The following CNTNAP2 variants were observed in gnomAD, a reference collection of about 807,000 sequenced individuals.
The protein encoded by CNTNAP2 is contactin-associated protein-like 2.
CNTNAP2 carries 98 observed loss-of-function variants against 155.2 expected under a neutral mutation model. The ratio of observed to expected loss-of-function variants is 0.63; its 90% confidence interval spans 0.54 to 0.75. The LOEUF is 0.75. Among genes scored for constraint, CNTNAP2 ranks in the 30% least tolerant of loss-of-function variants. The pLI, the probability that CNTNAP2 is intolerant of heterozygous loss-of-function variation, is 0.00. For missense variants in CNTNAP2, 1,727 were observed against 1,688.1 expected (o/e 1.02, Z -0.40); for synonymous variants, 651 against 631.2 (o/e 1.03, Z -0.47).
At chr7:147,100,069 T>G (rs1344385001) in intron 4 of CNTNAP2, among the ~76,000 whole-genome samples, 2 of 152,250 alleles carry the variant, frequency 1.3e-5, no homozygotes, top group East Asian at 3.9e-4. Context: ...TCTGATATCT[T>G]GTGGGTAATG....
At chr7:146,219,875 A>T (rs754845871) in intron 1 of CNTNAP2, among the ~76,000 whole-genome samples, 1 of 152,182 alleles carries the variant, frequency 6.6e-6, no homozygotes, top group Non-Finnish European at 1.5e-5. Context: ...ATAAGAACAC[A>T]ACTCTAAAGA....
At chr7:146,499,243 C>T (rs376590210) in intron 1 of CNTNAP2, among the ~76,000 whole-genome samples, 13 of 152,192 alleles carry the variant, frequency 8.5e-5, no homozygotes, top group South Asian at 2.1e-4. Flanking sequence ...AGTGCAGTGG[C>T]GCCATCTTGG....
intron 2 of CNTNAP2, among the ~76,000 whole-genome samples, chr7:146,837,062 G>A (rs1004664623): frequency 1.3e-5 from 2 of 151,920 alleles, no homozygotes; most frequent in Non-Finnish European, 2.9e-5. Context: ...ATTTTCCCTT[G>A]TATATCTCCT....
chr7:147,310,079 G>T (rs983557556), intron 9 of CNTNAP2, among the ~76,000 whole-genome samples: 2 of 152,084 alleles, frequency 1.3e-5, no homozygotes, highest in African/African-American at 4.8e-5. Flanking sequence ...CTTGGAGATT[G>T]GAAAGTATTT....
At chr7:148,313,200 G>A (rs1000926069) in intron 21 of CNTNAP2, among the ~76,000 whole-genome samples, 1 of 150,782 alleles carries the variant, frequency 6.6e-6, no homozygotes, top group Non-Finnish European at 1.5e-5. Flanking sequence ...ATGTGGAGTG[G>A]GTAGCCTCCA....
intron 2 of CNTNAP2, 146 bp from the exon 3 acceptor site, chr7:146,839,565 A>G (rs1238035121): frequency 1.2e-6 from 1 of 810,918 alleles, no homozygotes; most frequent in Non-Finnish European, 2.0e-6. Flanking sequence ...TGAAGTCCCA[A>G]TGGCATCTAT....
chr7:146,225,644 C>T (rs990605256), intron 1 of CNTNAP2, among the ~76,000 whole-genome samples: 16 of 152,166 alleles, frequency 1.1e-4, no homozygotes, highest in Non-Finnish European at 2.1e-4. Context: ...ATGGTTCAGG[C>T]TTTGACGCTG....
At chr7:147,054,539 A>G (rs1472623122) in intron 4 of CNTNAP2, among the ~76,000 whole-genome samples, 1 of 152,120 alleles carries the variant, frequency 6.6e-6, no homozygotes, top group Non-Finnish European at 1.5e-5. Flanking sequence ...TTCACTTATA[A>G]TCCGTTTAAT....
intron 1 of CNTNAP2, among the ~76,000 whole-genome samples, chr7:146,708,780 G>GT (rs1305775186): frequency 6.6e-6 from 1 of 151,274 alleles, no homozygotes; most frequent in African/African-American, 2.4e-5. Context: ...ATTTTTTGTG[G>GT]TTTTGCCTTG....
At chr7:147,403,825 A>C (rs925817654) in intron 10 of CNTNAP2, among the ~76,000 whole-genome samples, 1 of 152,178 alleles carries the variant, frequency 6.6e-6, no homozygotes, top group Admixed American at 6.5e-5. Flanking sequence ...AGAGTAAGAA[A>C]AAAAAAATTT....
intron 15 of CNTNAP2, among the ~76,000 whole-genome samples, chr7:148,077,271 C>G (rs917638218): frequency 6.6e-6 from 1 of 151,178 alleles, no homozygotes; most frequent in Non-Finnish European, 1.5e-5. Context: ...CACGCCATTG[C>G]ACTCCAGCCT....
chr7:147,400,226 G>C (rs758223174), intron 10 of CNTNAP2, among the ~76,000 whole-genome samples: 1 of 152,026 alleles, frequency 6.6e-6, no homozygotes, highest in Non-Finnish European at 1.5e-5. Flanking sequence ...AGAACCATAG[G>C]GCATCTCAAA....
At position 148,415,849 on chromosome 7, in the gene CNTNAP2, CA is replaced by C; in HGVS notation, c.*239del. 1 of 592,690 alleles carries C rather than the reference CA, an allele frequency of 1.7e-6. No homozygotes were observed. 36.7% of individuals were successfully genotyped at this position (592,690 alleles called of 1,614,324 possible). A position where few individuals can be genotyped will look rare whatever the true frequency, so the allele number is the denominator to read the frequency against. On this transcript the variant is annotated 3_prime_UTR_variant, in exon 24 of 24. Coordinates refer to ENST00000361727, the MANE Select transcript of CNTNAP2 (RefSeq NM_014141.6). ...CCTTCTGTATCAAAACAAAATAATA[CA>C]AAAAATGCTTTTAGAGTTTAAGCAA...
At chr7:147,377,065 A>G (rs997666962) in intron 9 of CNTNAP2, among the ~76,000 whole-genome samples, 2 of 151,778 alleles carry the variant, frequency 1.3e-5, no homozygotes. Flanking sequence ...TCTTTTCAGT[A>G]TAGTATTTCT....
At chr7:147,365,937 T>C (rs1013203034) in intron 9 of CNTNAP2, among the ~76,000 whole-genome samples, 13 of 152,194 alleles carry the variant, frequency 8.5e-5, no homozygotes, top group African/African-American at 3.1e-4. Flanking sequence ...TCTGCTGGCT[T>C]TCATTCTCTT....
At chr7:147,187,115 G>A (rs992306186) in intron 8 of CNTNAP2, among the ~76,000 whole-genome samples, 1 of 152,164 alleles carries the variant, frequency 6.6e-6, no homozygotes, top group African/African-American at 2.4e-5. Context: ...TGTGGAGAAT[G>A]GGCTGGGGAG....
chr7:148,278,856 T>G (rs1260441529), intron 21 of CNTNAP2, among the ~76,000 whole-genome samples: 1 of 152,234 alleles, frequency 6.6e-6, no homozygotes, highest in African/African-American at 2.4e-5. Flanking sequence ...AGGCAATATT[T>G]AAGCAGTGGC....
At chr7:147,202,940 A>G (rs924143798) in intron 8 of CNTNAP2, among the ~76,000 whole-genome samples, 4 of 151,622 alleles carry the variant, frequency 2.6e-5, no homozygotes, top group African/African-American at 7.2e-5. Context: ...AGAAATATGA[A>G]CAACTCTTAT....
chr7:148,026,387 G>T (rs911065566), intron 15 of CNTNAP2, among the ~76,000 whole-genome samples: 1 of 152,114 alleles, frequency 6.6e-6, no homozygotes, highest in Admixed American at 6.6e-5. Context: ...GGGGGTCAAG[G>T]CTGCGGTGAG....
Sources: allele counts gnomAD v4.1 joint callset (sites outside exome capture counted in the v4.1 genomes callset), GRCh38; gene constraint gnomAD v4.1.1; transcripts MANE v1.5; gene names NCBI Gene and HGNC (gene_info 2026-07-23, HGNC 2026-07-21).